LOC122539214: variants seen among roughly 807,000 people sequenced by gnomAD.
the LOC122539214 span, among the ~76,000 whole-genome samples, chr19:52,673,098 A>G: frequency 1.3e-5 from 2 of 152,170 alleles, no homozygotes; most frequent in African/African-American, 4.8e-5. Flanking sequence ...AATCCCAGCT[A>G]CTCAGGAGAC....
the LOC122539214 span, chr19:52,654,237 T>A: frequency 2.2e-5 from 34 of 1,577,664 alleles, no homozygotes; most frequent in Middle Eastern, 3.4e-4. Flanking sequence ...TTCTTTTAAT[T>A]TCTTGCCACT....
At chr19:52,669,558 C>CA in the LOC122539214 span, among the ~76,000 whole-genome samples, 1 of 152,166 alleles carries the variant, frequency 6.6e-6, no homozygotes, top group African/African-American at 2.4e-5. Context: ...AATTAAAACT[C>CA]AGTGTTGTAC....
chr19:52,658,043 G>A, the LOC122539214 span, among the ~76,000 whole-genome samples: 8 of 151,636 alleles, frequency 5.3e-5, no homozygotes, highest in South Asian at 2.1e-4. Flanking sequence ...GGCTAAGGCA[G>A]GAGAATTGCT....
At chr19:52,672,305 T>C in the LOC122539214 span, among the ~76,000 whole-genome samples, 1 of 152,368 alleles carries the variant, frequency 6.6e-6, no homozygotes, top group South Asian at 2.1e-4. Flanking sequence ...TTTATGACTA[T>C]ATCTGTAAGT....
chr19:52,683,521 CAAA>C, the LOC122539214 span, among the ~76,000 whole-genome samples: 1 of 23,792 alleles, frequency 4.2e-5, no homozygotes. Context: ...GAAGGGAATC[CAAA>C]GGGAAGGGCA....
chr19:52,662,433 T>TG, the LOC122539214 span, among the ~76,000 whole-genome samples: 3 of 152,068 alleles, frequency 2.0e-5, no homozygotes, highest in African/African-American at 7.2e-5. Context: ...GTAGGGAACA[T>TG]GGAGTCGTGT....
the LOC122539214 span, among the ~76,000 whole-genome samples, chr19:52,677,491 G>T: frequency 1.0e-4 from 15 of 150,498 alleles, no homozygotes; most frequent in East Asian, 2.7e-3. Context: ...GTCTCAAAAA[G>T]AAAAAAAGAA....
chr19:52,654,378 C>T, the LOC122539214 span: 5 of 1,188,576 alleles, frequency 4.2e-6, no homozygotes, highest in Non-Finnish European at 5.9e-6. Context: ...TTGATGAGAA[C>T]TCCGTCATGG....
At chr19:52,651,507 C>T in the LOC122539214 span, 2 of 152,054 alleles carry the variant, frequency 1.3e-5, no homozygotes, top group Non-Finnish European at 2.9e-5. Context: ...TTTCCATCAG[C>T]CTTCTCAACC....
At chr19:52,685,722 C>T in the LOC122539214 span, among the ~76,000 whole-genome samples, 3 of 151,860 alleles carry the variant, frequency 2.0e-5, no homozygotes, top group East Asian at 5.8e-4. Context: ...CATGGTGAAA[C>T]CTTGTCTCTA....
At chr19:52,687,635 A>ATATATATATATATATATAATG in the LOC122539214 span, among the ~76,000 whole-genome samples, 2 of 14,720 alleles carry the variant, frequency 1.4e-4, 1 homozygote, top group Non-Finnish European at 2.5e-4. Flanking sequence ...TATATAATGT[A>ATATATATATATATATATAATG]TATATATATA....
At chr19:52,656,383 A>G in the LOC122539214 span, among the ~76,000 whole-genome samples, 2 of 152,014 alleles carry the variant, frequency 1.3e-5, no homozygotes, top group Admixed American at 6.6e-5. Context: ...TTAGCTGGGC[A>G]TGGTGGGGGA....
the LOC122539214 span, among the ~76,000 whole-genome samples, chr19:52,662,789 T>C: frequency 3.9e-5 from 6 of 151,984 alleles, no homozygotes; most frequent in African/African-American, 1.5e-4. Context: ...AAGCTCTGAG[T>C]TGAGTCAGAA....
the LOC122539214 span, among the ~76,000 whole-genome samples, chr19:52,680,574 C>T: frequency 4.0e-5 from 6 of 150,484 alleles, no homozygotes; most frequent in Admixed American, 6.6e-5. Context: ...TTTTTCTCCA[C>T]AGTTGTGTTT....
At chr19:52,668,440 C>G in the LOC122539214 span, among the ~76,000 whole-genome samples, 420 of 152,254 alleles carry the variant, frequency 2.8e-3, 3 homozygotes, top group Non-Finnish European at 4.0e-3. Context: ...ACTATTCCTA[C>G]CACTAGCAAC....
chr19:52,689,498 A>T, the LOC122539214 span, among the ~76,000 whole-genome samples: 1 of 151,974 alleles, frequency 6.6e-6, no homozygotes, highest in African/African-American at 2.4e-5. Flanking sequence ...CCCTGGCTCC[A>T]AATCCCTCCT....
the LOC122539214 span, among the ~76,000 whole-genome samples, chr19:52,689,403 T>C: frequency 1.3e-5 from 2 of 152,012 alleles, no homozygotes; most frequent in Non-Finnish European, 2.9e-5. Flanking sequence ...ATCCCCACTC[T>C]CTAGCACTCC....
the LOC122539214 span, among the ~76,000 whole-genome samples, chr19:52,678,174 C>A: frequency 6.6e-6 from 1 of 151,916 alleles, no homozygotes; most frequent in African/African-American, 2.4e-5. Flanking sequence ...AGGATAAGGC[C>A]AGGCTCGGTG....
the LOC122539214 span, among the ~76,000 whole-genome samples, chr19:52,677,028 C>A: frequency 6.8e-6 from 1 of 147,662 alleles, no homozygotes; most frequent in Non-Finnish European, 1.5e-5. Context: ...AAACCAGAGA[C>A]CTTTGTTCAC....
Sources: gnomAD v4.1 joint callset for allele counts (sites outside exome capture counted in the v4.1 genomes callset) on GRCh38, gnomAD v4.1.1 for gene constraint, MANE v1.5 for transcripts.